MID1: variants seen among roughly 807,000 people sequenced by gnomAD.
MID1 encodes the protein midline 1.
A neutral mutation model predicts 40.4 loss-of-function variants in MID1; 7 were observed. The observed-to-expected ratio is 0.17, with a 90% CI of 0.10 to 0.33. MID1 has a LOEUF of 0.33. Ranked by LOEUF, MID1 falls within the 10% of genes least tolerant of loss-of-function variation. MID1 has a pLI of 1.00. For missense variants in MID1, 367 were observed against 558.5 expected (o/e 0.66, Z 3.46); for synonymous variants, 229 against 221.2 (o/e 1.04, Z -0.31).
chrX:10,746,896 C>A (rs2043561876), intron 1 of MID1, among the ~76,000 whole-genome samples: 1 of 110,234 alleles, frequency 9.1e-6, no homozygotes, highest in Non-Finnish European at 1.9e-5. Flanking sequence ...ATTAAAAATA[C>A]TTCTCTAATG....
chrX:10,814,511 CT>C (rs1355909294), intron 1 of MID1, among the ~76,000 whole-genome samples: 1 of 110,765 alleles, frequency 9.0e-6, no homozygotes, highest in Non-Finnish European at 1.9e-5. Context: ...CAGGTTCCCC[CT>C]ATGGTAACAT....
chrX:10,612,800 G>T (rs767583425), intron 1 of MID1, among the ~76,000 whole-genome samples: 8 of 111,507 alleles, frequency 7.2e-5, no homozygotes, highest in African/African-American at 2.6e-4. Flanking sequence ...GAAGGCATGT[G>T]GTACAGTCAC....
chrX:10,681,787 C>T (rs746761260), intron 1 of MID1, among the ~76,000 whole-genome samples: 1 of 111,500 alleles, frequency 9.0e-6, no homozygotes, highest in Non-Finnish European at 1.9e-5. Flanking sequence ...TGTAATTATA[C>T]AGTCATTAAA....
chrX:10,636,785 GATATATATATATATATATATATAT>G (rs60188235), intron 1 of MID1, among the ~76,000 whole-genome samples: 14 of 42,719 alleles, frequency 3.3e-4, no homozygotes, highest in Non-Finnish European at 5.7e-4. Context: ...CAACAATGGG[GATATATATATATATATATATATAT>G]ATATATATAC....
intron 1 of MID1, among the ~76,000 whole-genome samples, chrX:10,647,232 C>T (rs1323213903): frequency 9.0e-6 from 1 of 111,694 alleles, no homozygotes; most frequent in African/African-American, 3.2e-5. Context: ...GGAGGCAGAG[C>T]CAGGAAATCA....
At chrX:10,667,132 C>A (rs955815824) in intron 1 of MID1, among the ~76,000 whole-genome samples, 6 of 111,293 alleles carry the variant, frequency 5.4e-5, no homozygotes, top group African/African-American at 2.0e-4. Context: ...TGTATGCACC[C>A]CTCGCCTGGC....
At chrX:10,590,048 G>C (rs1040414326) in intron 1 of MID1, 11 of 110,942 alleles carry the variant, frequency 9.9e-5, no homozygotes, top group Non-Finnish European at 1.5e-4. Context: ...GAGCAAGCAG[G>C]GGGTACGTGA....
intron 1 of MID1, among the ~76,000 whole-genome samples, chrX:10,794,278 C>G (rs1031540605): frequency 8.9e-6 from 1 of 111,967 alleles, no homozygotes; most frequent in Non-Finnish European, 1.9e-5. Flanking sequence ...GTCCCCACCC[C>G]CAAGGTTCCA....
At position 10,482,501 on chromosome X, in the gene MID1, G is replaced by A; in HGVS notation, c.992C>T (p.Thr331Ile). The change falls in exon 5 of 10, where the codon ACT becomes ATT. Residue 331 changes from threonine to isoleucine, a missense_variant. Thr to Ile is a moderately conservative substitution (Grantham distance 89). Around this residue, in one of 3 missense-constraint regions of MID1, gnomAD observed 275 missense variants for 383.1 expected, o/e 0.72. Coordinates refer to ENST00000317552, the MANE Select transcript of MID1 (RefSeq NM_000381.4). ...TCACCTCTCGGTGATATTCTTAGCAGTCTGTAGGAAACGCGCATGATCATT... is the reference window on the plus strand; with the variant it reads ...TCACCTCTCGGTGATATTCTTAGCAATCTGTAGGAAACGCGCATGATCATT... ...KENDHARFLQ[T>I]AKNITERVSM... The A allele has an allele frequency of 8.3e-7, 1 of 1,211,091 alleles. No individual in the cohort carries two copies. The highest frequency in any genetic ancestry group is 1.1e-6 in the Non-Finnish European group (1 of 895,468).
intron 9 of MID1, among the ~76,000 whole-genome samples, chrX:10,452,494 TTA>T (rs1434086725): frequency 8.9e-6 from 1 of 112,231 alleles, no homozygotes; most frequent in Non-Finnish European, 1.9e-5. Flanking sequence ...AGTATAAAAA[TTA>T]TGTCTCTCGG....
At chrX:10,787,803 A>T (rs764628041) in intron 1 of MID1, among the ~76,000 whole-genome samples, 1 of 108,448 alleles carries the variant, frequency 9.2e-6, no homozygotes, top group Non-Finnish European at 1.9e-5. Context: ...TGCAAGTTAA[A>T]CAACTTAAAA....
chrX:10,758,367 T>C, intron 1 of MID1, among the ~76,000 whole-genome samples: 1 of 109,955 alleles, frequency 9.1e-6, no homozygotes, highest in Middle Eastern at 4.7e-3. Flanking sequence ...TTTGTTCTCC[T>C]TATTACCCTC....
intron 1 of MID1, among the ~76,000 whole-genome samples, chrX:10,579,368 C>T (rs1403688062): frequency 9.0e-6 from 1 of 111,615 alleles, no homozygotes; most frequent in Non-Finnish European, 1.9e-5. Flanking sequence ...AGAGAAAGTA[C>T]ACACCCTCCC....
chrX:10,456,407 C>G (rs905112934), intron 8 of MID1, among the ~76,000 whole-genome samples: 1 of 112,464 alleles, frequency 8.9e-6, no homozygotes, highest in Non-Finnish European at 1.9e-5. Context: ...GGGGCAGCCA[C>G]GGACAGGACA....
At chrX:10,538,924 G>A (rs964686943) in intron 2 of MID1, among the ~76,000 whole-genome samples, 2 of 112,260 alleles carry the variant, frequency 1.8e-5, no homozygotes, top group African/African-American at 6.5e-5. Flanking sequence ...ATTGGATAGA[G>A]TTTAATCATA....
intron 1 of MID1, among the ~76,000 whole-genome samples, chrX:10,581,508 C>T (rs1451764320): frequency 9.0e-6 from 1 of 111,576 alleles, no homozygotes; most frequent in Non-Finnish European, 1.9e-5. Flanking sequence ...AAAATTCTCA[C>T]TCTTATGGAA....
At position 10,659,289 on chromosome X, in the gene MID1, A is replaced by G. The variant is rs933663930; in HGVS notation, c.-186-38870T>C. Among the ~76,000 whole-genome samples, 4 of 111,874 alleles carry G rather than the reference A, an allele frequency of 3.6e-5. No homozygotes were observed. In the Admixed American group the frequency reaches 3.8e-4, roughly 11 times the overall value. On this transcript the variant is annotated intron_variant, in intron 1 of 10. Transcript: ENST00000380785. ...GCTCATCAATAATTTATAGATTACTATGGAGTCAGGTGCACAGATTCAGAG... is the reference window on the plus strand; with the variant it reads ...GCTCATCAATAATTTATAGATTACTGTGGAGTCAGGTGCACAGATTCAGAG...
intron 1 of MID1, among the ~76,000 whole-genome samples, chrX:10,597,209 C>T (rs1935429473): frequency 9.0e-6 from 1 of 111,667 alleles, no homozygotes; most frequent in Admixed American, 9.5e-5. Context: ...AAGCAACATT[C>T]CACAGGTTGA....
chrX:10,669,230 T>TAAAAAAAA (rs761817483), intron 1 of MID1, among the ~76,000 whole-genome samples: 4 of 47,008 alleles, frequency 8.5e-5, no homozygotes, highest in East Asian at 8.8e-4. Context: ...CGTCTCAAAA[T>TAAAAAAAA]AAAAAAAAAA....
Sources: allele counts gnomAD v4.1 joint callset (sites outside exome capture counted in the v4.1 genomes callset), GRCh38; gene constraint gnomAD v4.1.1; regional missense constraint gnomAD v4.1.1; transcripts MANE v1.5; gene names NCBI Gene and HGNC (gene_info 2026-07-23, HGNC 2026-07-21).